NME7: variants seen among roughly 807,000 people sequenced by gnomAD.
The protein encoded by NME7 is nucleoside diphosphate kinase 7.
A neutral mutation model predicts 49.1 loss-of-function variants in NME7; 41 were observed. The ratio of observed to expected loss-of-function variants is 0.83; its 90% confidence interval spans 0.65 to 1.08. The LOEUF (loss-of-function observed/expected upper bound fraction) is 1.08, where lower values mean the gene tolerates loss of function less well. Ranked by LOEUF, NME7 falls within the 50% of genes least tolerant of loss-of-function variation. NME7 has a pLI of 0.00. For synonymous variants in NME7, 139 were observed against 150.6 expected (o/e 0.92, Z 0.56); for missense variants, 423 against 463.4 (o/e 0.91, Z 0.80).
At chr1:169,308,067 G>A (rs1277861286) in intron 4 of NME7, among the ~76,000 whole-genome samples, 2 of 151,282 alleles carry the variant, frequency 1.3e-5, no homozygotes, top group Admixed American at 1.3e-4. Flanking sequence ...AATAAACACA[G>A]TGGTCAACTG....
intron 10 of NME7, among the ~76,000 whole-genome samples, chr1:169,182,811 A>G (rs1462777362): frequency 6.6e-6 from 1 of 152,196 alleles, no homozygotes; most frequent in African/African-American, 2.4e-5. Context: ...TCAAATTTAT[A>G]TACCCCATTA....
chr1:169,206,996 G>A (rs373141769), intron 10 of NME7, among the ~76,000 whole-genome samples: 6 of 152,054 alleles, frequency 3.9e-5, no homozygotes, highest in Admixed American at 1.3e-4. Flanking sequence ...GTCTTAGTCC[G>A]TTTGCATTGC....
At chr1:169,309,818 C>A in intron 4 of NME7, 152 bp downstream of exon 4, 1 of 535,286 alleles carries the variant, frequency 1.9e-6, no homozygotes, top group Non-Finnish European at 3.2e-6. Flanking sequence ...TCTAGATGAA[C>A]TCCTGTCAGT....
intron 10 of NME7, among the ~76,000 whole-genome samples, chr1:169,172,486 T>C (rs1659632632): frequency 6.6e-6 from 1 of 152,162 alleles, no homozygotes; most frequent in Non-Finnish European, 1.5e-5. Flanking sequence ...GATGGGCACA[T>C]ATGGTCTTCT....
chr1:169,190,488 T>C (rs149367931), intron 10 of NME7, among the ~76,000 whole-genome samples: 2 of 151,126 alleles, frequency 1.3e-5, no homozygotes, highest in African/African-American at 4.8e-5. Flanking sequence ...ATTTTTAGTC[T>C]ATTAGGTCTT....
chr1:169,332,671 G>T (rs1387158333), intron 1 of NME7, among the ~76,000 whole-genome samples: 1 of 152,136 alleles, frequency 6.6e-6, no homozygotes. Context: ...GATCTGAATA[G>T]ATATTTCTTA....
chr1:169,285,405 C>T (rs542346008), intron 7 of NME7: 1 of 152,190 alleles, frequency 6.6e-6, no homozygotes, highest in East Asian at 1.9e-4. Context: ...CATAAAATCC[C>T]AGGTTTTTTT....
intron 11 of NME7, among the ~76,000 whole-genome samples, chr1:169,142,366 T>C (rs149052971): frequency 9.8e-5 from 15 of 152,328 alleles, no homozygotes; most frequent in African/African-American, 3.6e-4. Flanking sequence ...TAAGATAAGA[T>C]GTGTTGTTTT....
intron 7 of NME7, among the ~76,000 whole-genome samples, chr1:169,274,713 T>C (rs1649630151): frequency 7.5e-6 from 1 of 133,980 alleles, no homozygotes; most frequent in South Asian, 2.3e-4. Flanking sequence ...GCACCACTTA[T>C]TAAATAGGGA....
At chr1:169,348,932 G>T (rs1653051841) in intron 1 of NME7, among the ~76,000 whole-genome samples, 1 of 151,028 alleles carries the variant, frequency 6.6e-6, no homozygotes, top group African/African-American at 2.4e-5. Context: ...GTGACCCTAA[G>T]TAGTAGGCTA....
chr1:169,239,105 TTGAG>T (rs1342678444), intron 7 of NME7, among the ~76,000 whole-genome samples: 1 of 151,886 alleles, frequency 6.6e-6, no homozygotes, highest in Admixed American at 6.6e-5. Context: ...AACAAAAATG[TTGAG>T]TGAGAAAATA....
intron 11 of NME7, among the ~76,000 whole-genome samples, chr1:169,142,459 G>C (rs928498879): frequency 6.6e-6 from 1 of 151,914 alleles, no homozygotes; most frequent in African/African-American, 2.4e-5. Flanking sequence ...ATTCTTAACT[G>C]GTAATCAAAA....
At chr1:169,220,769 T>C (rs181638847) in intron 10 of NME7, among the ~76,000 whole-genome samples, 5 of 152,336 alleles carry the variant, frequency 3.3e-5, no homozygotes, top group Admixed American at 3.3e-4. Context: ...TTTTAAATTA[T>C]TTTTACATTT....
intron 1 of NME7, among the ~76,000 whole-genome samples, chr1:169,348,807 T>A (rs1653042977): frequency 6.6e-6 from 1 of 151,756 alleles, no homozygotes; most frequent in African/African-American, 2.4e-5. Flanking sequence ...CTGAAAAAAA[T>A]GTATATCACC....
chr1:169,279,036 C>T (rs1649880470), intron 7 of NME7, among the ~76,000 whole-genome samples: 1 of 152,158 alleles, frequency 6.6e-6, no homozygotes, highest in Admixed American at 6.5e-5. Flanking sequence ...ACTGATTGTT[C>T]CTCTTGAAGT....
At position 169,355,270 on chromosome 1, in the gene NME7, T is replaced by A. The variant is rs539121681; in HGVS notation, c.3+12438A>T. On this transcript the variant is annotated intron_variant, in intron 1 of 11. Coordinates refer to ENST00000367811, the MANE Select transcript of NME7 (RefSeq NM_013330.5). ...TATATTATATCTATATATAATATAT[T>A]GTATATTATATATAATATATTGTAT... Among the ~76,000 whole-genome samples, 24 of 46,152 alleles carry A rather than the reference T, an allele frequency of 5.2e-4. 1 individual carries two copies. The highest frequency in any genetic ancestry group is 1.2e-3 in the African/African-American group (21 of 17,394). 30.3% of individuals were successfully genotyped at this position (46,152 alleles called of 152,430 possible).
At chr1:169,336,734 T>C (rs980530561) in intron 1 of NME7, among the ~76,000 whole-genome samples, 6 of 151,064 alleles carry the variant, frequency 4.0e-5, no homozygotes, top group African/African-American at 4.9e-5. Flanking sequence ...AGAGTGTCCA[T>C]TGGTGCAATC....
At chr1:169,170,343 T>G (rs1023312889) in intron 10 of NME7, among the ~76,000 whole-genome samples, 4 of 152,066 alleles carry the variant, frequency 2.6e-5, no homozygotes, top group Non-Finnish European at 4.4e-5. Context: ...AAAGTGGAAA[T>G]CAGAAAGAAT....
At chr1:169,238,477 G>A (rs1571316084) in intron 7 of NME7, among the ~76,000 whole-genome samples, 4 of 124,146 alleles carry the variant, frequency 3.2e-5, no homozygotes, top group East Asian at 4.9e-4. Flanking sequence ...ATGCACAAAG[G>A]CACACACACA....
Sources: allele counts gnomAD v4.1 joint callset (sites outside exome capture counted in the v4.1 genomes callset), GRCh38; gene constraint gnomAD v4.1.1; transcripts MANE v1.5; gene names NCBI Gene and HGNC (gene_info 2026-07-23, HGNC 2026-07-21).